The following ATP6V1G3 variants were observed in gnomAD, a reference collection of about 807,000 sequenced individuals.
ATP6V1G3 encodes ATPase H+ transporting V1 subunit G3, also known as V-type proton ATPase subunit G 3.
Under a neutral mutation model 9.3 loss-of-function variants are expected in ATP6V1G3, and 9 were observed. The observed-to-expected ratio is 0.97, with a 90% CI of 0.59 to 1.69. The LOEUF (loss-of-function observed/expected upper bound fraction) is 1.69, where lower values mean the gene tolerates loss of function less well. ATP6V1G3 is among the 40% of genes most tolerant of loss of function. The pLI is 0.00. For missense variants in ATP6V1G3, 133 were observed against 139.0 expected (o/e 0.96, Z 0.22); for synonymous variants, 43 against 43.8 (o/e 0.98, Z 0.07).
upstream of ATP6V1G3, chr1:198,540,802 T>A (rs937010593): frequency 1.3e-6 from 1 of 772,658 alleles, no homozygotes; most frequent in Non-Finnish European, 2.1e-6. Flanking sequence ...GCTGGATAGC[T>A]GGGTCCCAAG....
At chr1:198,527,025 A>G (rs1034239476) in intron 2 of ATP6V1G3, among the ~76,000 whole-genome samples, 5 of 152,184 alleles carry the variant, frequency 3.3e-5, no homozygotes, top group Admixed American at 2.6e-4. Flanking sequence ...GCTTCCGTTG[A>G]TAAGTCAGGG....
intron 1 of ATP6V1G3, among the ~76,000 whole-genome samples, chr1:198,532,275 C>A (rs73077381): frequency 0.011 from 1,698 of 152,060 alleles, 41 homozygotes; most frequent in African/African-American, 0.039. Context: ...TAACACTCAA[C>A]CTTTAAGAAA....
At chr1:198,526,612 G>T (rs554496735) in intron 2 of ATP6V1G3, among the ~76,000 whole-genome samples, 214 of 152,252 alleles carry the variant, frequency 1.4e-3, no homozygotes, top group African/African-American at 4.8e-3. Flanking sequence ...GGTGATGGAA[G>T]AACTTTAAAC....
chr1:198,540,921 A>G (rs1660319348), upstream of ATP6V1G3: 2 of 472,628 alleles, frequency 4.2e-6, no homozygotes, highest in Non-Finnish European at 7.7e-6. Flanking sequence ...GGAGGTATAA[A>G]TGAGGTGTTG....
At chr1:198,535,132 T>C (rs1049097381) in intron 1 of ATP6V1G3, among the ~76,000 whole-genome samples, 5 of 152,176 alleles carry the variant, frequency 3.3e-5, no homozygotes, top group African/African-American at 9.7e-5. Flanking sequence ...ATGAAAATGC[T>C]CTGTGGTTAT....
At chr1:198,534,455 C>T (rs570045543) in intron 1 of ATP6V1G3, among the ~76,000 whole-genome samples, 1 of 152,242 alleles carries the variant, frequency 6.6e-6, no homozygotes, top group Admixed American at 6.5e-5. Context: ...CCTGCTGGCA[C>T]CTTCTGTTTG....
At position 198,523,401 on chromosome 1, in the gene ATP6V1G3, G is replaced by C. The variant is rs538283202; in HGVS notation, c.347C>G (p.Ala116Gly). The change falls in exon 3 of 3, where the codon GCC (alanine) becomes GGC (glycine). Residue 116 changes from alanine to glycine, a missense_variant. Physicochemically the swap from Ala to Gly is moderately conservative, Grantham distance 60. Coordinates refer to ENST00000367382, the MANE Select transcript of ATP6V1G3 (RefSeq NM_001376861.1). ...MKPEIHVNYR[A>G]TN ...AACTGTGATGTACATTTAGTTGGTG[G>C]CTCTGTAGTTCACATGGATTTCTGG... 28 of 1,612,020 alleles carry C rather than the reference G, an allele frequency of 1.7e-5. No homozygotes were observed. The highest frequency in any genetic ancestry group is 2.4e-5 in the Non-Finnish European group (28 of 1,179,134).
At chr1:198,528,084 G>T (rs141887401) in intron 2 of ATP6V1G3, among the ~76,000 whole-genome samples, 35 of 152,228 alleles carry the variant, frequency 2.3e-4, no homozygotes, top group African/African-American at 7.9e-4. Context: ...AGAAAATGTG[G>T]TGAGAGAGAT....
intron 1 of ATP6V1G3, among the ~76,000 whole-genome samples, chr1:198,535,544 C>T (rs1660076925): frequency 6.6e-6 from 1 of 151,650 alleles, no homozygotes. Context: ...ATGTATTTTG[C>T]CTCATAGTGG....
chr1:198,537,245 C>T (rs1190497982), intron 1 of ATP6V1G3, among the ~76,000 whole-genome samples: 1 of 152,176 alleles, frequency 6.6e-6, no homozygotes, highest in Non-Finnish European at 1.5e-5. Flanking sequence ...AGACCATATA[C>T]TGTATCATGT....
intron 1 of ATP6V1G3, among the ~76,000 whole-genome samples, chr1:198,530,836 C>T (rs1256149195): frequency 6.6e-6 from 1 of 152,004 alleles, no homozygotes; most frequent in Non-Finnish European, 1.5e-5. Context: ...TTGTCATTTA[C>T]ATCAGAACAA....
intron 1 of ATP6V1G3, among the ~76,000 whole-genome samples, chr1:198,534,540 C>T (rs745339220): frequency 6.6e-6 from 1 of 152,098 alleles, no homozygotes; most frequent in East Asian, 1.9e-4. Context: ...TTTGTTACAG[C>T]GTCTCTAGGA....
chr1:198,539,618 C>T (rs1379432727), intron 1 of ATP6V1G3, among the ~76,000 whole-genome samples: 2 of 152,160 alleles, frequency 1.3e-5, no homozygotes, highest in African/African-American at 4.8e-5. Flanking sequence ...GAAATTATAG[C>T]TCATCTAAAT....
chr1:198,534,623 C>T (rs1660034832), intron 1 of ATP6V1G3, among the ~76,000 whole-genome samples: 1 of 152,110 alleles, frequency 6.6e-6, no homozygotes, highest in African/African-American at 2.4e-5. Context: ...AAGCCAGATA[C>T]CCTAGTGTGG....
rs748331416 is a variant in ATP6V1G3, at chr1:198,523,601, A to G, written c.184-37T>C. On this transcript the variant is annotated intron_variant, in intron 2 of 2. Coordinates refer to ENST00000367382, the MANE Select transcript of ATP6V1G3 (RefSeq NM_001376861.1). ...AAACAGACAGAATTCACATCATAAT[A>G]CAATTGTTTTACAAGTTAAATTTGT... 1.8e-5 allele frequency: 28 copies of G among 1,580,672 alleles called. No individual in the cohort carries two copies. The East Asian group carries it at 3.4e-4, about 19-fold the overall frequency.
At chr1:198,540,418 T>C (rs1660297742) in intron 1 of ATP6V1G3, 151 bp downstream of exon 1, 5 of 714,602 alleles carry the variant, frequency 7.0e-6, no homozygotes. Context: ...AACATATGGC[T>C]GGGTAATTTT....
At chr1:198,536,488 A>G (rs1660118341) in intron 1 of ATP6V1G3, among the ~76,000 whole-genome samples, 1 of 152,228 alleles carries the variant, frequency 6.6e-6, no homozygotes, top group African/African-American at 2.4e-5. Flanking sequence ...TTAATGAACA[A>G]TTTATTAAGT....
Position 198,523,373 on chromosome 1 carries a change from G to A in ATP6V1G3, c.*18C>T. 1 of 1,585,252 alleles carries A rather than the reference G, an allele frequency of 6.3e-7. No homozygotes were observed. Among genetic ancestry groups the A allele is most frequent in the Non-Finnish European group, 8.5e-7 (1 of 1,169,860 alleles). ...GCACTCACACACCTTTTTTTTTCTT[G>A]AAAACTGTGATGTACATTTAGTTGG... On this transcript the variant is annotated 3_prime_UTR_variant, in exon 3 of 3. Transcript: ENST00000367382.
intron 1 of ATP6V1G3, among the ~76,000 whole-genome samples, chr1:198,532,034 A>G (rs1030171335): frequency 2.6e-5 from 4 of 152,166 alleles, no homozygotes; most frequent in African/African-American, 9.7e-5. Flanking sequence ...CTGTCACTAG[A>G]GAAGCCTCTG....
Sources: gnomAD v4.1 joint callset for allele counts (sites outside exome capture counted in the v4.1 genomes callset) on GRCh38, gnomAD v4.1.1 for gene constraint, MANE v1.5 for transcripts, NCBI Gene and HGNC (gene_info 2026-07-23, HGNC 2026-07-21) for gene names.